The following GAPVD1 variants were observed in gnomAD, a reference collection of about 807,000 sequenced individuals.
GAPVD1 encodes the protein GTPase activating protein and VPS9 domains 1.
Under a neutral mutation model 155.5 loss-of-function variants are expected in GAPVD1, and 35 were observed. The ratio of observed to expected loss-of-function variants is 0.23; its 90% CI spans 0.17 to 0.30. The LOEUF is 0.30. Among genes scored for constraint, GAPVD1 ranks in the 10% least tolerant of loss-of-function variants. The pLI is 1.00. For synonymous variants in GAPVD1, 636 were observed against 619.7 expected, an observed-to-expected ratio of 1.03 and a Z score of -0.39; for missense variants, 1,429 against 1,775.7, an observed-to-expected ratio of 0.80 and a Z score of 3.51.
intron 1 of GAPVD1, chr9:125,264,138 C>G (rs375552679): frequency 8.6e-6 from 6 of 697,252 alleles, no homozygotes; most frequent in Non-Finnish European, 1.6e-5. Context: ...ACAGTGTAGA[C>G]GAAAGAGAAT....
intron 2 of GAPVD1, among the ~76,000 whole-genome samples, chr9:125,291,882 G>A (rs146930697): frequency 2.6e-5 from 4 of 152,232 alleles, no homozygotes; most frequent in African/African-American, 9.6e-5. Flanking sequence ...TGTTCCAGGA[G>A]CCACTGTGAA....
chr9:125,354,218 A>G (rs1016392349), intron 23 of GAPVD1, among the ~76,000 whole-genome samples: 3 of 152,220 alleles, frequency 2.0e-5, no homozygotes, highest in African/African-American at 7.2e-5. Context: ...CATTTAGACT[A>G]TAAGCAAGTA....
intron 20 of GAPVD1, among the ~76,000 whole-genome samples, 159 bp from the exon 21 acceptor site, chr9:125,349,231 G>A (rs971765846): frequency 2.6e-5 from 4 of 152,148 alleles, no homozygotes; most frequent in African/African-American, 9.7e-5. Context: ...TGATAATTCA[G>A]TTAAGTATTT....
chr9:125,307,635 T>C (rs936325323), intron 7 of GAPVD1, 56 bp from the exon 8 acceptor site: 1 of 1,569,018 alleles, frequency 6.4e-7, no homozygotes, highest in Non-Finnish European at 8.8e-7. Flanking sequence ...GTGTGGGAAA[T>C]ACATATTGTA....
chr9:125,293,672 TA>T (rs1271202010), intron 2 of GAPVD1, among the ~76,000 whole-genome samples: 1 of 130,500 alleles, frequency 7.7e-6, no homozygotes, highest in Admixed American at 9.1e-5. Flanking sequence ...ATATATAATA[TA>T]AAAATATATA....
intron 2 of GAPVD1, among the ~76,000 whole-genome samples, chr9:125,294,578 C>T (rs1395957479): frequency 1.3e-5 from 2 of 150,006 alleles, no homozygotes; most frequent in African/African-American, 2.5e-5. Flanking sequence ...AAACTCCAGA[C>T]GTTGTGATCC....
intron 2 of GAPVD1, among the ~76,000 whole-genome samples, chr9:125,278,968 T>A (rs1243499632): frequency 6.6e-6 from 1 of 152,092 alleles, no homozygotes; most frequent in East Asian, 1.9e-4. Flanking sequence ...TCCTAGCACT[T>A]TGGGAGGCCC....
In GAPVD1 at chr9:125,365,629, C is replaced by G. The variant is rs923188352; in HGVS notation, c.*2883C>G. ...AAATACAAGTTGAAGATTGTCTTTA[C>G]TTACAAAATTATATTTTAATTTTTT... is the stretch of plus-strand genomic sequence containing the variant. On this transcript the variant is annotated 3_prime_UTR_variant, in exon 28 of 28. Transcript: ENST00000297933. The G allele has an allele frequency of 6.6e-6, 1 of 152,172 alleles. No individual in the cohort carries two copies. The highest frequency in any genetic ancestry group is 2.4e-5 in the African/African-American group (1 of 41,450). The allele number at this position is 152,172 out of a possible 1,614,324, so 9.4% of individuals were successfully genotyped here.
intron 2 of GAPVD1, among the ~76,000 whole-genome samples, chr9:125,292,319 C>T (rs1838737727): frequency 6.6e-6 from 1 of 151,958 alleles, no homozygotes; most frequent in Non-Finnish European, 1.5e-5. Flanking sequence ...TAAAGGATGA[C>T]CTGGAAGTTC....
chr9:125,351,741 T>TTTTTTTTTTTTCCTTCCCATGGTCTTTC (rs1180037561), intron 23 of GAPVD1, among the ~76,000 whole-genome samples: 2 of 144,274 alleles, frequency 1.4e-5, no homozygotes, highest in Non-Finnish European at 3.1e-5. Context: ...ATGGTCTTTC[T>TTTTTTTTTTTTCCTTCCCATGGTCTTTC]TTTTTTTTTT....
intron 1 of GAPVD1, among the ~76,000 whole-genome samples, chr9:125,268,194 A>AC (rs34598150): frequency 0.016 from 1,813 of 112,414 alleles, 16 homozygotes; most frequent in Non-Finnish European, 0.019. Context: ...CAAACAAACA[A>AC]CCCCCCCCCC....
intron 19 of GAPVD1, among the ~76,000 whole-genome samples, chr9:125,344,693 C>A (rs1848269959): frequency 6.6e-6 from 1 of 151,844 alleles, no homozygotes; most frequent in Non-Finnish European, 1.5e-5. Flanking sequence ...ATTATCCCAG[C>A]TCTTTTTGGG....
chr9:125,340,684 G>A (rs1847728207), intron 17 of GAPVD1, among the ~76,000 whole-genome samples: 1 of 151,928 alleles, frequency 6.6e-6, no homozygotes, highest in Admixed American at 6.6e-5. Context: ...TTTATTGAGT[G>A]CCTAGTCTAT....
intron 11 of GAPVD1, among the ~76,000 whole-genome samples, chr9:125,325,513 C>A (rs1241324413): frequency 8.7e-6 from 1 of 115,206 alleles, no homozygotes; most frequent in Non-Finnish European, 1.7e-5. Flanking sequence ...GAGCGAGACT[C>A]CATCTCAAAA....
chr9:125,296,692 C>T (rs1351068826), intron 3 of GAPVD1, among the ~76,000 whole-genome samples: 7 of 118,828 alleles, frequency 5.9e-5, no homozygotes, highest in Non-Finnish European at 8.4e-5. Flanking sequence ...GAGACAGTCT[C>T]GTTCTGTTGC....
chr9:125,355,892 T>C, intron 25 of GAPVD1, 35 bp downstream of exon 25: 9 of 1,121,178 alleles, frequency 8.0e-6, no homozygotes, highest in African/African-American at 1.5e-5. Context: ...TATGTGGAAC[T>C]ACATAGGGAT....
intron 2 of GAPVD1, among the ~76,000 whole-genome samples, chr9:125,278,069 G>T (rs1234936261): frequency 2.0e-5 from 3 of 152,136 alleles, no homozygotes; most frequent in African/African-American, 7.2e-5. Flanking sequence ...AAATGAGCAA[G>T]AAACTGCTCC....
chr9:125,273,048 T>C (rs1238484163), intron 2 of GAPVD1, among the ~76,000 whole-genome samples: 1 of 152,214 alleles, frequency 6.6e-6, no homozygotes, highest in Non-Finnish European at 1.5e-5. Flanking sequence ...AAGTTTACAG[T>C]GTTCTAAGGA....
chr9:125,314,789 CT>C (rs35084399), intron 9 of GAPVD1, among the ~76,000 whole-genome samples: 244 of 140,784 alleles, frequency 1.7e-3, no homozygotes, highest in East Asian at 4.8e-3. Context: ...GTAGCAGCTT[CT>C]TTTTTTTTTT....
Sources: allele counts gnomAD v4.1 joint callset (sites outside exome capture counted in the v4.1 genomes callset), GRCh38; gene constraint gnomAD v4.1.1; transcripts MANE v1.5; gene names NCBI Gene and HGNC (gene_info 2026-07-23, HGNC 2026-07-21).